ULK4: variants seen among roughly 807,000 people sequenced by gnomAD.
ULK4 encodes the protein unc-51 like kinase 4, also known as inactive serine/threonine-protein kinase ULK4.
A neutral mutation model predicts 160.6 loss-of-function variants in ULK4; 133 were observed. The ratio of observed to expected loss-of-function variants is 0.83; its 90% CI spans 0.72 to 0.96. The LOEUF is 0.96. ULK4 is among the 40% of genes least tolerant of loss of function. ULK4 has a pLI of 0.00. For synonymous variants in ULK4, 534 were observed against 539.8 expected (o/e 0.99, Z 0.15); for missense variants, 1,580 against 1,499.5 (o/e 1.05, Z -0.89).
At chr3:41,459,444 T>C (rs992146632) in intron 33 of ULK4, among the ~76,000 whole-genome samples, 7 of 152,110 alleles carry the variant, frequency 4.6e-5, no homozygotes, top group Non-Finnish European at 7.3e-5. Flanking sequence ...TCGGATCAAT[T>C]CAATTCAACA....
chr3:41,454,966 G>A (rs1308158313), intron 34 of ULK4, among the ~76,000 whole-genome samples: 1 of 152,130 alleles, frequency 6.6e-6, no homozygotes, highest in Non-Finnish European at 1.5e-5. Context: ...CAAAGTGCTA[G>A]GCTAAAACTG....
At chr3:41,874,053 T>A (rs1697213456) in intron 17 of ULK4, among the ~76,000 whole-genome samples, 1 of 152,112 alleles carries the variant, frequency 6.6e-6, no homozygotes, top group African/African-American at 2.4e-5. Flanking sequence ...TATATGTATA[T>A]ATAATTCATA....
At chr3:41,604,252 G>A (rs1023178428) in intron 31 of ULK4, among the ~76,000 whole-genome samples, 11 of 152,066 alleles carry the variant, frequency 7.2e-5, no homozygotes, top group East Asian at 1.9e-4. Context: ...GACACGAGGC[G>A]AGAGAGGCAA....
At chr3:41,845,947 C>G (rs17064063) in intron 17 of ULK4, among the ~76,000 whole-genome samples, 20,122 of 152,176 alleles carry the variant, frequency 0.13, 4,343 homozygotes, top group African/African-American at 0.45. Context: ...CAGCATTTCT[C>G]CATTTTATAA....
chr3:41,651,164 T>G (rs1256602003), intron 30 of ULK4, among the ~76,000 whole-genome samples: 2 of 152,216 alleles, frequency 1.3e-5, no homozygotes, highest in African/African-American at 4.8e-5. Context: ...TCTGTCCTCA[T>G]CATACTGACC....
chr3:41,623,845 G>A (rs182918622), intron 30 of ULK4, among the ~76,000 whole-genome samples: 58 of 152,244 alleles, frequency 3.8e-4, no homozygotes, highest in African/African-American at 1.3e-3. Context: ...ACAAAGAAAT[G>A]ATAGCACGTG....
chr3:41,255,251 G>C (rs1327792452), intron 35 of ULK4, among the ~76,000 whole-genome samples: 1 of 152,088 alleles, frequency 6.6e-6, no homozygotes, highest in African/African-American at 2.4e-5. Context: ...GGAGGCCGAG[G>C]TGGGTGGATC....
chr3:41,829,371 G>A (rs2041488550), intron 18 of ULK4, among the ~76,000 whole-genome samples: 2 of 146,148 alleles, frequency 1.4e-5, no homozygotes, highest in Admixed American at 6.8e-5. Flanking sequence ...CCTACAGAAT[G>A]GGAGAAAATT....
At chr3:41,271,469 G>T (rs2079136829) in intron 35 of ULK4, among the ~76,000 whole-genome samples, 1 of 149,068 alleles carries the variant, frequency 6.7e-6, no homozygotes, top group South Asian at 2.1e-4. Context: ...TTGGCTCACT[G>T]CAACCTCTGC....
intron 17 of ULK4, chr3:41,854,236 A>G (rs940988055): frequency 1.3e-5 from 2 of 152,300 alleles, no homozygotes; most frequent in African/African-American, 4.8e-5. Flanking sequence ...ATGACTCAAC[A>G]AAGTACAGCC....
chr3:41,539,969 T>C (rs2086637436), intron 32 of ULK4, among the ~76,000 whole-genome samples: 2 of 152,158 alleles, frequency 1.3e-5, no homozygotes, highest in Non-Finnish European at 2.9e-5. Flanking sequence ...AGTATCCCAA[T>C]TGTCAGCCAA....
chr3:41,499,187 T>G (rs1490974513), intron 32 of ULK4, among the ~76,000 whole-genome samples: 1 of 152,194 alleles, frequency 6.6e-6, no homozygotes, highest in Non-Finnish European at 1.5e-5. Context: ...GCCAATATTT[T>G]TATTGAGCTA....
chr3:41,652,202 C>T (rs1462468566), intron 30 of ULK4, among the ~76,000 whole-genome samples: 1 of 151,946 alleles, frequency 6.6e-6, no homozygotes, highest in Non-Finnish European at 1.5e-5. Context: ...AGAAAATAAG[C>T]AGAAATATTT....
At chr3:41,442,455 A>T (rs1028746488) in intron 34 of ULK4, among the ~76,000 whole-genome samples, 2 of 152,196 alleles carry the variant, frequency 1.3e-5, no homozygotes, top group Admixed American at 6.5e-5. Flanking sequence ...CCTATATTAT[A>T]CAGAAGTAGT....
rs1221520267 is a variant in ULK4 at position 41,626,806 on chromosome 3, G to GT, written c.3072-11090dup. Among the ~76,000 whole-genome samples the GT allele has an allele frequency of 1.1e-4, 16 of 152,184 alleles. No individual in the cohort carries two copies. The East Asian group carries it at 2.9e-3, about 28-fold the overall frequency. ...CTCCCAAAGTGCTGGGATTATAAGC[G>GT]TGAGCCACCGTGCCTGGCCAAAAGT... On this transcript the variant is annotated intron_variant, in intron 30 of 36. Coordinates refer to ENST00000301831, the MANE Select transcript of ULK4 (RefSeq NM_017886.4).
intron 32 of ULK4, among the ~76,000 whole-genome samples, chr3:41,464,050 C>A: frequency 6.6e-6 from 1 of 150,576 alleles, no homozygotes; most frequent in South Asian, 2.1e-4. Context: ...ATATTTTACA[C>A]ACGCAGATGG....
At position 41,398,553 on chromosome 3, in the gene ULK4, ATTT is replaced by A. The variant is rs11321558; in HGVS notation, c.3493-292_3493-290del. ...CACACACCATCATCATGCCCAGCTAATTTTTTTTTTTTTTTTTTGGTAGAGACG... is the reference window on the plus strand; with the variant it reads ...CACACACCATCATCATGCCCAGCTAATTTTTTTTTTTTTTTGGTAGAGACG... On this transcript the variant is annotated intron_variant, in intron 34 of 36. Transcript: ENST00000301831. 4.4e-3 allele frequency among the ~76,000 whole-genome samples: 580 copies of A among 130,620 alleles called. 3 individuals carry two copies. Among genetic ancestry groups the A allele is most frequent in the African/African-American group, 0.016 (545 of 34,546 alleles). 85.7% of individuals were successfully genotyped at this position (130,620 alleles called of 152,430 possible).
At chr3:41,634,844 T>TA (rs1381839429) in intron 30 of ULK4, among the ~76,000 whole-genome samples, 1 of 152,216 alleles carries the variant, frequency 6.6e-6, no homozygotes, top group African/African-American at 2.4e-5. Context: ...TCAGAGTTTA[T>TA]AACCTTAACT....
rs202213322 is a variant in ULK4, at chr3:41,554,923, CAGTG to C, written c.3226+11098_3226+11101del. On this transcript the variant is annotated intron_variant, in intron 32 of 36. Transcript: ENST00000301831. ...CTTCATTTCAAAGCAACGCTAGACT[CAGTG>C]AGAGAACATACACCAAAACTGAAAT... is the stretch of plus-strand genomic sequence containing the variant. 5.3e-5 allele frequency among the ~76,000 whole-genome samples: 8 copies of C among 152,140 alleles called. No homozygotes were observed. In the East Asian group the frequency reaches 1.4e-3, roughly 26 times the overall value.
Sources: gnomAD v4.1 joint callset for allele counts (sites outside exome capture counted in the v4.1 genomes callset) on GRCh38, gnomAD v4.1.1 for gene constraint, MANE v1.5 for transcripts, NCBI Gene and HGNC (gene_info 2026-07-23, HGNC 2026-07-21) for gene names.